Variants in PRH1 observed in about 807,000 individuals in gnomAD.
PRH1 encodes salivary acidic proline-rich phosphoprotein 1/2.
A neutral mutation model predicts 7.9 loss-of-function variants in PRH1; 7 were observed. The ratio of observed to expected loss-of-function variants is 0.89; its 90% CI spans 0.50 to 1.67. PRH1 has a LOEUF of 1.67. Among genes scored for constraint, PRH1 ranks in the 40% most tolerant of loss-of-function variants. PRH1 has a pLI of 0.00. For missense variants in PRH1, 109 were observed against 223.6 expected (o/e 0.49, Z 3.27); for synonymous variants, 45 against 80.8 (o/e 0.56, Z 2.38).
At chr12:10,989,859 A>T (rs1226535340) in intron 1 of PRH1, among the ~76,000 whole-genome samples, 1 of 152,180 alleles carries the variant, frequency 6.6e-6, no homozygotes, top group Non-Finnish European at 1.5e-5. Context: ...TGTCATTTAG[A>T]CAGTTGTTTC....
At chr12:10,992,034 G>T (rs1470657548) in intron 1 of PRH1, among the ~76,000 whole-genome samples, 1 of 152,022 alleles carries the variant, frequency 6.6e-6, no homozygotes, top group African/African-American at 2.4e-5. Context: ...AACCAAGAGG[G>T]GACAAGAGTT....
At chr12:10,963,582 T>A (rs1016203170) in intron 2 of PRH1, among the ~76,000 whole-genome samples, 1 of 152,178 alleles carries the variant, frequency 6.6e-6, no homozygotes, top group Non-Finnish European at 1.5e-5. Context: ...TGGTATCCGA[T>A]CTCAATTTCA....
intron 1 of PRH1, among the ~76,000 whole-genome samples, chr12:10,989,168 A>G (rs4604977): frequency 0.31 from 46,367 of 151,714 alleles, 8,949 homozygotes; most frequent in East Asian, 0.74. Context: ...ATACGGTTTT[A>G]CCTACTTTAA....
chr12:10,945,110 A>G (rs879722687), intron 2 of PRH1, among the ~76,000 whole-genome samples: 3 of 152,110 alleles, frequency 2.0e-5, no homozygotes, highest in Non-Finnish European at 4.4e-5. Context: ...AACTTTTTGG[A>G]TTAGTTTCTG....
At chr12:10,949,307 G>C (rs1292927805) in intron 2 of PRH1, among the ~76,000 whole-genome samples, 1 of 152,098 alleles carries the variant, frequency 6.6e-6, no homozygotes, top group Non-Finnish European at 1.5e-5. Context: ...TCTCTCCTTG[G>C]GTTGACTGCA....
intron 2 of PRH1, among the ~76,000 whole-genome samples, chr12:10,910,639 G>A (rs1305658312): frequency 6.6e-6 from 1 of 151,984 alleles, no homozygotes; most frequent in African/African-American, 2.4e-5. Flanking sequence ...GAAGAGTCAA[G>A]GTTCCTCACC....
intron 1 of PRH1, chr12:10,996,887 G>T: frequency 6.8e-7 from 1 of 1,475,246 alleles, no homozygotes; most frequent in Non-Finnish European, 9.1e-7. Context: ...AATATAAAAT[G>T]TTCCAGACAC....
At chr12:11,110,935 T>A (rs1482854073) in intron 1 of PRH1, among the ~76,000 whole-genome samples, 1 of 151,928 alleles carries the variant, frequency 6.6e-6, no homozygotes, top group East Asian at 1.9e-4. Flanking sequence ...ACAAATAGTC[T>A]CAACATAAAG....
At chr12:10,893,361 C>T (rs780147445) in intron 2 of PRH1, among the ~76,000 whole-genome samples, 1 of 152,190 alleles carries the variant, frequency 6.6e-6, no homozygotes, top group African/African-American at 2.4e-5. Context: ...TTATGGTTAT[C>T]ACAAGTAATA....
intron 1 of PRH1, among the ~76,000 whole-genome samples, chr12:11,099,955 C>T (rs765922958): frequency 1.2e-4 from 19 of 152,112 alleles, no homozygotes; most frequent in Admixed American, 6.5e-4. Context: ...GAGAGATCTG[C>T]GCTTGGCAGA....
rs1949915940 is a variant in PRH1 at position 10,912,579 on chromosome 12, ATTG to A, written c.-58-28307_-58-28305del. 2.0e-5 allele frequency among the ~76,000 whole-genome samples: 3 copies of A among 151,804 alleles called. No individual in the cohort carries two copies. In the South Asian group the frequency reaches 6.2e-4, roughly 32 times the overall value. On this transcript the variant is annotated intron_variant, in intron 2 of 3. Transcript: ENST00000539853. ...ATTTTTCATTAATTTCATCTCTTAT[ATTG>A]TTATTTAATTATTTTTACTTCCGTT...
In PRH1 at chr12:11,095,852, A is replaced by G. The variant is rs1314123430; in HGVS notation, n.124-48664T>C. Among the ~76,000 whole-genome samples the G allele has an allele frequency of 3.8e-4, 44 of 116,228 alleles. 13 individuals carry two copies. The highest frequency in any genetic ancestry group is 1.2e-3 in the African/African-American group (41 of 34,828). 76.3% of individuals were successfully genotyped at this position (116,228 alleles called of 152,430 possible). A position where few individuals can be genotyped will look rare whatever the true frequency, so the allele number is the denominator to read the frequency against. ...TAATTTTTCTTTTATCTGAAAAGAT[A>G]TATTTTAAATTTCTGTTTATCAAGA... On this transcript the variant is annotated intron_variant and non_coding_transcript_variant, in intron 1 of 4. Coordinates refer to the PRH1 transcript ENST00000541977.
rs182094415 is a variant in PRH1 at position 10,947,988 on chromosome 12, G to A, written c.-59+25667C>T. Among the ~76,000 whole-genome samples, 40 of 152,238 alleles carry A rather than the reference G, an allele frequency of 2.6e-4. 1 individual carries two copies. The East Asian group carries it at 5.2e-3, about 20-fold the overall frequency. On this transcript the variant is annotated intron_variant, in intron 2 of 3. Coordinates refer to the PRH1 transcript ENST00000539853. ...TCTTCTAATTTGTAAGAACTCAGCT[G>A]ACAGATCTGCTGTTACCGTGATAGA...
intron 2 of PRH1, chr12:10,973,290 A>G (rs995898982): frequency 3.6e-5 from 6 of 168,948 alleles, no homozygotes; most frequent in African/African-American, 1.4e-4. Flanking sequence ...TTTATTTTTG[A>G]TTACTTAATG....
chr12:11,074,111 C>T (rs1270236097), intron 1 of PRH1, among the ~76,000 whole-genome samples: 1 of 148,346 alleles, frequency 6.7e-6, no homozygotes, highest in Non-Finnish European at 1.5e-5. Context: ...TGGTCAGCAC[C>T]TTGCCTGATC....
At chr12:11,008,336 A>T in intron 1 of PRH1, among the ~76,000 whole-genome samples, 1 of 152,068 alleles carries the variant, frequency 6.6e-6, no homozygotes, top group Non-Finnish European at 1.5e-5. Flanking sequence ...ATTATAATGC[A>T]TACATAGAAA....
chr12:11,138,980 C>T (rs760402613), intron 1 of PRH1, among the ~76,000 whole-genome samples: 2 of 152,162 alleles, frequency 1.3e-5, no homozygotes, highest in Non-Finnish European at 1.5e-5. Flanking sequence ...GCAGAGGTTG[C>T]ATTGAGCCGC....
At chr12:10,929,172 G>A in intron 2 of PRH1, 1 of 1,510,672 alleles carries the variant, frequency 6.6e-7, no homozygotes, top group Non-Finnish European at 9.2e-7. Flanking sequence ...GGCCCACCTG[G>A]TAGGGAGCTC....
At chr12:10,972,262 C>A (rs1938850687) in intron 2 of PRH1, among the ~76,000 whole-genome samples, 2 of 152,122 alleles carry the variant, frequency 1.3e-5, no homozygotes, top group South Asian at 4.1e-4. Context: ...AAAGGCAAGT[C>A]TAATATCACT....
Sources: allele counts gnomAD v4.1 joint callset (sites outside exome capture counted in the v4.1 genomes callset), GRCh38; gene constraint gnomAD v4.1.1; transcripts MANE v1.5; gene names NCBI Gene and HGNC (gene_info 2026-07-23, HGNC 2026-07-21).